Variants in MTRR observed in about 807,000 individuals in gnomAD.
The protein encoded by MTRR is methionine synthase reductase.
Under a neutral mutation model 79.2 loss-of-function variants are expected in MTRR, and 63 were observed. The ratio of observed to expected loss-of-function variants is 0.80; its 90% CI spans 0.65 to 0.98. MTRR has a LOEUF of 0.98. MTRR is among the 50% of genes least tolerant of loss of function. The probability of loss-of-function intolerance (pLI) is 0.00; values close to 1 mark genes in which losing one functional copy is unlikely to be tolerated. For missense variants in MTRR, 895 were observed against 839.6 expected (o/e 1.07, Z -0.82); for synonymous variants, 355 against 313.3 (o/e 1.13, Z -1.41).
At chr5:7,869,147 C>A (rs763228337), upstream of MTRR, 7 of 1,613,188 alleles carry the variant, frequency 4.3e-6, no homozygotes, top group Admixed American at 5.0e-5. Flanking sequence ...GGCGCTGCGT[C>A]AGTGCGCGCT....
intron 1 of MTRR, chr5:7,861,864 T>C (rs1746572676): frequency 9.6e-7 from 1 of 1,041,778 alleles, no homozygotes; most frequent in African/African-American, 1.6e-5. Flanking sequence ...TTAAGAAAGC[T>C]CAATAACGCT....
chr5:7,869,014 G>C, upstream of MTRR: 1 of 1,226,746 alleles, frequency 8.2e-7, no homozygotes, highest in East Asian at 2.3e-5. Context: ...GGTGGTCGCG[G>C]AAGCGCCTGG....
chr5:7,858,163 G>A lies in MTRR; in HGVS notation n.392-3788G>A, dbSNP rs1268120057. Among the ~76,000 whole-genome samples, 3 of 152,178 alleles carry A rather than the reference G, an allele frequency of 2.0e-5. No individual in the cohort carries two copies. In the East Asian group the frequency reaches 5.8e-4, roughly 29 times the overall value. On this transcript the variant is annotated intron_variant and non_coding_transcript_variant, in intron 1 of 3. Coordinates refer to the MTRR transcript ENST00000502509. ...GAGGGTGGACCAGAGGCCAGGGAGG[G>A]AACCTGAGTTCACTAAAAAGGCAGA...
At chr5:7,862,712 C>T (rs1022900861) in intron 2 of MTRR, 7 of 909,508 alleles carry the variant, frequency 7.7e-6, no homozygotes, top group Non-Finnish European at 1.2e-5. Flanking sequence ...AGGGAAGGGA[C>T]CATTCCATTT....
At chr5:7,872,119 C>G (rs892448430) in intron 2 of MTRR, 1 of 312,640 alleles carries the variant, frequency 3.2e-6, no homozygotes, top group African/African-American at 2.2e-5. Context: ...TTTCAAGGTA[C>G]TGACATTACT....
chr5:7,876,659 A>G (rs529434825), intron 4 of MTRR, among the ~76,000 whole-genome samples: 1 of 152,364 alleles, frequency 6.6e-6, no homozygotes, highest in South Asian at 2.1e-4. Context: ...CTTGAGTCCA[A>G]TACCTGGGTT....
intron 12 of MTRR, chr5:7,896,491 A>G (rs3776454): frequency 0.14 from 41,733 of 288,488 alleles, 4,391 homozygotes; most frequent in African/African-American, 0.31. Context: ...CATTTCGTAG[A>G]CACTTTACAC....
intron 9 of MTRR, 27 bp from the exon 10 acceptor site, chr5:7,891,345 T>A: frequency 7.4e-7 from 1 of 1,359,102 alleles, no homozygotes; most frequent in Non-Finnish European, 1.0e-6. Flanking sequence ...AGTGAATTAA[T>A]AATTGCTTGT....
At chr5:7,861,795 C>A (rs1263011700) in intron 1 of MTRR, 2 of 1,382,656 alleles carry the variant, frequency 1.4e-6, no homozygotes, top group African/African-American at 1.5e-5. Flanking sequence ...TGACCACAAC[C>A]AAACAATGGT....
chr5:7,874,279 C>T (rs1378378535), intron 3 of MTRR, among the ~76,000 whole-genome samples: 1 of 152,042 alleles, frequency 6.6e-6, no homozygotes, highest in Non-Finnish European at 1.5e-5. Flanking sequence ...GGGTATCTAG[C>T]AAGGATGGGT....
chr5:7,870,974 G>A, intron 2 of MTRR, 51 bp downstream of exon 2: 1 of 1,610,678 alleles, frequency 6.2e-7, no homozygotes, highest in Non-Finnish European at 8.5e-7. Context: ...AAGAATTTTG[G>A]TTGGGAAGTG....
intron 4 of MTRR, 126 bp from the exon 5 acceptor site, chr5:7,877,813 TCCGAA>T: frequency 8.1e-7 from 1 of 1,235,496 alleles, no homozygotes; most frequent in Admixed American, 1.8e-5. Context: ...TTTTTTGTAT[TCCGAA>T]TGGTCTTCAT....
chr5:7,873,530 A>G lies in MTRR; in HGVS notation c.283+4A>G. Reference sequence around the variant, plus strand: ...CACCTGCGGTATGGGTTACTGGGTAATGGACTCTCTCTTCTGATCTTACTA... The same window carrying G: ...CACCTGCGGTATGGGTTACTGGGTAGTGGACTCTCTCTTCTGATCTTACTA... On this transcript the variant is annotated splice_donor_region_variant and intron_variant, in intron 3 of 14. Coordinates refer to ENST00000440940, the MANE Select transcript of MTRR (RefSeq NM_002454.3). 1 of 1,614,096 alleles carries G rather than the reference A, an allele frequency of 6.2e-7. No homozygotes were observed.
At chr5:7,880,077 G>A (rs778159491) in intron 5 of MTRR, among the ~76,000 whole-genome samples, 2 of 152,214 alleles carry the variant, frequency 1.3e-5, no homozygotes, top group Non-Finnish European at 2.9e-5. Context: ...ATGTCCTGAC[G>A]TGCACCAAAC....
At chr5:7,857,954 G>A (rs1201572952) in intron 1 of MTRR, among the ~76,000 whole-genome samples, 2 of 152,196 alleles carry the variant, frequency 1.3e-5, no homozygotes, top group African/African-American at 2.4e-5. Flanking sequence ...GGTGAAGAAC[G>A]CTCGTGCTGT....
chr5:7,867,128 C>T (rs1455522649), upstream of MTRR: 3 of 1,614,004 alleles, frequency 1.9e-6, no homozygotes, highest in Non-Finnish European at 2.5e-6. Context: ...GACATATTTG[C>T]CCAATTTTAT....
Position 7,899,919 on chromosome 5 carries a change from C to T in MTRR, c.1958C>T (p.Ala653Val), listed in dbSNP as rs773372129. 5.0e-6 allele frequency: 8 copies of T among 1,613,926 alleles called. No homozygotes were observed. Among genetic ancestry groups the T allele is most frequent in the Non-Finnish European group, 6.8e-6 (8 of 1,180,010 alleles). ...ENGHIYVCGD[A>V]KNMAKDVHDA... ...CTTATTATTTTCTTTTCTAGAGATG[C>T]AAAGAATATGGCCAAGGATGTACAT... Residue 653 changes from alanine (A) to valine (V), a missense_variant, in exon 15 of 15, where the codon GCA becomes GTA. Ala to Val is a moderately conservative substitution (Grantham distance 64, BLOSUM62 0). Transcript: ENST00000440940.
intron 4 of MTRR, among the ~76,000 whole-genome samples, chr5:7,876,590 T>C (rs1734601953): frequency 6.6e-6 from 1 of 152,250 alleles, no homozygotes; most frequent in Non-Finnish European, 1.5e-5. Context: ...GAAATGAAGA[T>C]ATTTTCAAGA....
intron 1 of MTRR, chr5:7,856,992 CAG>C (rs1746265730): frequency 1.3e-5 from 2 of 152,142 alleles, no homozygotes; most frequent in Admixed American, 1.3e-4. Context: ...AACACACACT[CAG>C]AGAGGATCCA....
Sources: gnomAD v4.1 joint callset for allele counts (sites outside exome capture counted in the v4.1 genomes callset) on GRCh38, gnomAD v4.1.1 for gene constraint, MANE v1.5 for transcripts, NCBI Gene and HGNC (gene_info 2026-07-23, HGNC 2026-07-21) for gene names.